KDM2A: variants seen among roughly 807,000 people sequenced by gnomAD.
The protein encoded by KDM2A is lysine-specific demethylase 2A.
Under a neutral mutation model 137.3 loss-of-function variants are expected in KDM2A, and 3 were observed. The observed-to-expected ratio is 0.02, with a 90% CI of 0.01 to 0.06. The LOEUF is 0.06. Among genes scored for constraint, KDM2A ranks in the 10% least tolerant of loss-of-function variants. KDM2A has a pLI of 1.00. For missense variants in KDM2A, 738 were observed against 1,510.6 expected (o/e 0.49, Z 8.48); for synonymous variants, 512 against 541.5 (o/e 0.95, Z 0.76).
intron 5 of KDM2A, among the ~76,000 whole-genome samples, chr11:67,193,676 C>T (rs1427601197): frequency 6.6e-6 from 1 of 151,904 alleles, no homozygotes; most frequent in African/African-American, 2.4e-5. Context: ...GCCTGACCAA[C>T]ATGGCAAAAC....
At chr11:67,229,482 G>A (rs937979339) in intron 11 of KDM2A, among the ~76,000 whole-genome samples, 2 of 152,190 alleles carry the variant, frequency 1.3e-5, no homozygotes, top group African/African-American at 4.8e-5. Flanking sequence ...GGGATCACAT[G>A]TTCTTATGGA....
In KDM2A at chr11:67,168,624, C is replaced by T. The variant is rs1013657808; in HGVS notation, c.43-11455C>T. Among the ~76,000 whole-genome samples, 312 of 144,828 alleles carry T rather than the reference C, an allele frequency of 2.2e-3. 15 individuals carry two copies. The highest frequency in any genetic ancestry group is 7.0e-3 in the Middle Eastern group (2 of 284). ...ACACACACACACACACACACACACA[C>T]ACACACACACACACACACACACACA... On this transcript the variant is annotated intron_variant, in intron 2 of 20. Coordinates refer to ENST00000529006, the MANE Select transcript of KDM2A (RefSeq NM_012308.3).
intron 5 of KDM2A, among the ~76,000 whole-genome samples, chr11:67,193,057 T>C (rs556172648): frequency 2.1e-3 from 316 of 152,322 alleles, no homozygotes; most frequent in African/African-American, 7.2e-3. Flanking sequence ...TGCCGCGATC[T>C]CGGCTTACTG....
Position 67,250,880 on chromosome 11 carries a change from G to T in KDM2A, c.2768+82G>T. The T allele has an allele frequency of 9.3e-7, 1 of 1,074,692 alleles. No individual in the cohort carries two copies. 66.6% of individuals were successfully genotyped at this position (1,074,692 alleles called of 1,614,324 possible). ...TCCATATGAGAACAGCATGCACCTT[G>T]GCATCTGAAAGCCTGTGGGGTCTTA... On this transcript the variant is annotated intron_variant, in intron 17 of 20. Transcript: ENST00000529006. This position sits in a 1 kb window ranked among gnomAD's most constrained non-coding sequence, Gnocchi z 7.1.
intron 2 of KDM2A, among the ~76,000 whole-genome samples, chr11:67,132,739 T>C (rs1376528353): frequency 2.0e-5 from 3 of 152,176 alleles, no homozygotes; most frequent in Admixed American, 1.3e-4. Flanking sequence ...GTTTTCAAAG[T>C]GTAGGTCTCT....
At chr11:67,161,247 A>G (rs1457540598) in intron 2 of KDM2A, among the ~76,000 whole-genome samples, 1 of 152,246 alleles carries the variant, frequency 6.6e-6, no homozygotes, top group East Asian at 1.9e-4. Flanking sequence ...ACAAGACTTT[A>G]GTGATGGCTG....
chr11:67,123,801 C>T (rs557211986), intron 2 of KDM2A, among the ~76,000 whole-genome samples: 58 of 151,944 alleles, frequency 3.8e-4, no homozygotes, highest in African/African-American at 1.2e-3. Context: ...CTCAGCTTCC[C>T]GAGTAGCTGA....
chr11:67,122,917 T>C (rs1004335741), intron 2 of KDM2A, among the ~76,000 whole-genome samples: 3 of 151,112 alleles, frequency 2.0e-5, no homozygotes, highest in African/African-American at 7.3e-5. Flanking sequence ...CCTTGTGATC[T>C]GCCCGCCTCG....
intron 1 of KDM2A, among the ~76,000 whole-genome samples, chr11:67,120,890 T>G (rs1004129519): frequency 6.6e-6 from 1 of 152,122 alleles, no homozygotes; most frequent in African/African-American, 2.4e-5. Context: ...CCTGGTCAGC[T>G]CTCTGGAGAT....
chr11:67,129,782 A>G (rs957121752), intron 2 of KDM2A, among the ~76,000 whole-genome samples: 1 of 150,178 alleles, frequency 6.7e-6, no homozygotes, highest in African/African-American at 2.4e-5. Context: ...ATAGTGGCAC[A>G]TGCCTGTAAT....
intron 12 of KDM2A, among the ~76,000 whole-genome samples, chr11:67,233,197 TA>T (rs1858768357): frequency 6.6e-6 from 1 of 151,952 alleles, no homozygotes; most frequent in Non-Finnish European, 1.5e-5. Flanking sequence ...TCACATAGAT[TA>T]TTTTAAGCTA....
rs1859629772 is a variant in KDM2A at position 67,256,784 on chromosome 11, G to A, written c.*1729G>A. ...CATTAACTGGCCTTAGAAGAAACTGGATCCTGGTAGGGGGTGGCATTTTGT... is the reference window on the plus strand; with the variant it reads ...CATTAACTGGCCTTAGAAGAAACTGAATCCTGGTAGGGGGTGGCATTTTGT... On this transcript the variant is annotated 3_prime_UTR_variant, in exon 21 of 21. Coordinates refer to ENST00000529006, the MANE Select transcript of KDM2A (RefSeq NM_012308.3). 6.6e-6 allele frequency: 1 copy of A among 152,632 alleles called. No homozygotes were observed. The highest frequency in any genetic ancestry group is 6.6e-5 in the Admixed American group (1 of 15,266). 9.5% of individuals were successfully genotyped at this position (152,632 alleles called of 1,614,324 possible). A position where few individuals can be genotyped will look rare whatever the true frequency, so the allele number is the denominator to read the frequency against.
At chr11:67,125,469 A>C (rs914970374) in intron 2 of KDM2A, among the ~76,000 whole-genome samples, 2 of 151,908 alleles carry the variant, frequency 1.3e-5, no homozygotes, top group South Asian at 2.1e-4. Flanking sequence ...GGGAAAAAAA[A>C]ATCAGAAATA....
At chr11:67,204,481 G>A (rs1857741924) in intron 5 of KDM2A, among the ~76,000 whole-genome samples, 1 of 149,678 alleles carries the variant, frequency 6.7e-6, no homozygotes, top group Admixed American at 6.6e-5. Context: ...TTGATACAGT[G>A]TGTTTTCTTT....
intron 6 of KDM2A, among the ~76,000 whole-genome samples, chr11:67,209,800 C>T (rs1857923272): frequency 6.6e-6 from 1 of 152,174 alleles, no homozygotes; most frequent in Admixed American, 6.5e-5. Flanking sequence ...TTGGCTCATG[C>T]CTGTAATTCC....
chr11:67,230,646 TA>T (rs577660484), intron 11 of KDM2A, among the ~76,000 whole-genome samples: 103 of 136,502 alleles, frequency 7.5e-4, no homozygotes, highest in South Asian at 3.7e-3. Flanking sequence ...AACCACAACA[TA>T]AAAAAAAAAA....
At chr11:67,161,716 A>G (rs1856643120) in intron 2 of KDM2A, among the ~76,000 whole-genome samples, 1 of 152,132 alleles carries the variant, frequency 6.6e-6, no homozygotes, top group Non-Finnish European at 1.5e-5. Context: ...GGATTCTTTT[A>G]TTAGGGGTTT....
intron 10 of KDM2A, chr11:67,219,632 G>T (rs1858275788): frequency 2.6e-5 from 6 of 229,568 alleles, no homozygotes; most frequent in Non-Finnish European, 5.2e-5. Flanking sequence ...ATGGATGATT[G>T]CAGCCTCAAC....
chr11:67,149,351 A>G (rs1219545738), intron 2 of KDM2A: 1 of 152,146 alleles, frequency 6.6e-6, no homozygotes, highest in Non-Finnish European at 1.5e-5. Context: ...TTAATGGGAT[A>G]ATGAATGTAG....
Sources: allele counts gnomAD v4.1 joint callset (sites outside exome capture counted in the v4.1 genomes callset), GRCh38; gene constraint gnomAD v4.1.1; non-coding constraint Gnocchi (gnomAD v3.1); transcripts MANE v1.5; gene names NCBI Gene and HGNC (gene_info 2026-07-23, HGNC 2026-07-21).